The following FAR2 variants were observed in gnomAD, a reference collection of about 807,000 sequenced individuals.
FAR2 encodes the protein epididymis secretory protein Li 81.
Under a neutral mutation model 56.0 loss-of-function variants are expected in FAR2, and 19 were observed. The ratio of observed to expected loss-of-function variants is 0.34; its 90% CI spans 0.24 to 0.50. FAR2 has a LOEUF of 0.50. Ranked by LOEUF, FAR2 falls within the 20% of genes least tolerant of loss-of-function variation. The probability of loss-of-function intolerance (pLI) is 0.98; values close to 1 mark genes in which losing one functional copy is unlikely to be tolerated. For missense variants in FAR2, 508 were observed against 642.2 expected (o/e 0.79, Z 2.26); for synonymous variants, 219 against 218.8 (o/e 1.00, Z -0.01).
chr12:29,249,289 C>T (rs1033923566), intron 1 of FAR2, among the ~76,000 whole-genome samples: 37 of 152,184 alleles, frequency 2.4e-4, no homozygotes, highest in Admixed American at 1.4e-3. Context: ...TGGCTTCAGC[C>T]GGTCCCTCCG....
intron 1 of FAR2, among the ~76,000 whole-genome samples, chr12:29,237,363 T>C (rs530921039): frequency 2.6e-5 from 4 of 152,318 alleles, no homozygotes; most frequent in African/African-American, 9.6e-5. Context: ...TGGGTCAAAA[T>C]ACCATGAATT....
At chr12:29,267,675 A>T (rs10843373) in intron 1 of FAR2, among the ~76,000 whole-genome samples, 64,528 of 152,032 alleles carry the variant, frequency 0.42, 14,556 homozygotes, top group African/African-American at 0.59. Flanking sequence ...ATGTAACATT[A>T]TGTAACATGA....
chr12:29,229,927 G>C (rs540250422), intron 1 of FAR2, among the ~76,000 whole-genome samples: 30 of 152,236 alleles, frequency 2.0e-4, no homozygotes, highest in Admixed American at 1.3e-3. Context: ...GAACATTCTA[G>C]ATAAAGGGAA....
At chr12:29,202,661 G>A (rs1160231249) in intron 1 of FAR2, among the ~76,000 whole-genome samples, 1 of 152,160 alleles carries the variant, frequency 6.6e-6, no homozygotes, top group African/African-American at 2.4e-5. Flanking sequence ...AGTAATGAGA[G>A]GAGTTCTTGT....
chr12:29,287,587 C>G (rs946678101), intron 2 of FAR2, among the ~76,000 whole-genome samples: 1 of 150,974 alleles, frequency 6.6e-6, no homozygotes, highest in Non-Finnish European at 1.5e-5. Flanking sequence ...AGAGATTGCC[C>G]CTTAGTTTAA....
chr12:29,298,592 T>C (rs1345662062), intron 4 of FAR2, among the ~76,000 whole-genome samples: 1 of 152,092 alleles, frequency 6.6e-6, no homozygotes, highest in Non-Finnish European at 1.5e-5. Flanking sequence ...GTTTGCTAAA[T>C]TGGTACAGAG....
In FAR2 at chr12:29,166,455, A is replaced by G. The variant is rs145356108; in HGVS notation, c.-39+17048A>G. Among the ~76,000 whole-genome samples, 7 of 152,294 alleles carry G rather than the reference A, an allele frequency of 4.6e-5. No homozygotes were observed. In the East Asian group the frequency reaches 1.3e-3, roughly 29 times the overall value. ...TAATGCAGATCTCTGCTTTCTGACC[A>G]AAAGGAAAGCCTCTCCTCTTTGGCA... On this transcript the variant is annotated intron_variant, in intron 1 of 11. Transcript: ENST00000536681.
chr12:29,295,096 G>A (rs1316932882), intron 3 of FAR2, among the ~76,000 whole-genome samples: 1 of 151,958 alleles, frequency 6.6e-6, no homozygotes. Flanking sequence ...CTTTTGAGAT[G>A]GAGTTTCGCT....
At chr12:29,157,949 T>A (rs1045290983) in intron 1 of FAR2, among the ~76,000 whole-genome samples, 11 of 152,356 alleles carry the variant, frequency 7.2e-5, no homozygotes, top group African/African-American at 2.4e-4. Flanking sequence ...TGTTTGTGCA[T>A]GTATTAAAGA....
intron 1 of FAR2, among the ~76,000 whole-genome samples, chr12:29,268,854 G>T (rs879398609): frequency 1.3e-5 from 2 of 152,134 alleles, no homozygotes; most frequent in African/African-American, 2.4e-5. Context: ...TGCCCCACAA[G>T]CCGCAAAAAC....
At chr12:29,257,576 T>G (rs1948344552) in intron 1 of FAR2, among the ~76,000 whole-genome samples, 2 of 152,166 alleles carry the variant, frequency 1.3e-5, no homozygotes, top group South Asian at 4.1e-4. Flanking sequence ...ACTGCCTTTA[T>G]GAGCTGTAAC....
intron 1 of FAR2, among the ~76,000 whole-genome samples, chr12:29,203,594 T>G (rs1465505078): frequency 6.6e-6 from 1 of 152,232 alleles, no homozygotes; most frequent in Non-Finnish European, 1.5e-5. Flanking sequence ...CCCACAATAT[T>G]GTTTTACCTG....
At chr12:29,224,445 A>G (rs1947734605) in intron 1 of FAR2, among the ~76,000 whole-genome samples, 1 of 152,224 alleles carries the variant, frequency 6.6e-6, no homozygotes, top group African/African-American at 2.4e-5. Flanking sequence ...AGAATATGAT[A>G]CTTTAATTGC....
chr12:29,305,984 G>GT (rs1248063214), intron 4 of FAR2, among the ~76,000 whole-genome samples: 4,793 of 142,686 alleles, frequency 0.034, 148 homozygotes, highest in African/African-American at 0.092. Flanking sequence ...TGTTTCCTAG[G>GT]TTTTTTTTTT....
intron 2 of FAR2, among the ~76,000 whole-genome samples, chr12:29,274,621 C>T (rs1434116029): frequency 1.3e-5 from 2 of 151,988 alleles, no homozygotes; most frequent in African/African-American, 2.4e-5. Flanking sequence ...TCCAGCTGGC[C>T]GGTTCCTGCC....
At chr12:29,292,597 T>C (rs3782507) in intron 2 of FAR2, among the ~76,000 whole-genome samples, 80,242 of 151,922 alleles carry the variant, frequency 0.53, 21,500 homozygotes, top group East Asian at 0.62. Context: ...GGTGTTTTTA[T>C]TGGGTAATAA....
chr12:29,155,978 A>G (rs1949723147), intron 1 of FAR2, among the ~76,000 whole-genome samples: 1 of 152,240 alleles, frequency 6.6e-6, no homozygotes, highest in South Asian at 2.1e-4. Flanking sequence ...AGGCACAGAA[A>G]GAGAAATACT....
intron 1 of FAR2, among the ~76,000 whole-genome samples, chr12:29,252,867 C>T (rs1054668511): frequency 6.6e-6 from 1 of 152,052 alleles, no homozygotes; most frequent in Admixed American, 6.6e-5. Context: ...GGTATTTGGT[C>T]AAAGTTATTC....
chr12:29,250,871 C>A (rs1240363823), intron 1 of FAR2, among the ~76,000 whole-genome samples: 1 of 152,170 alleles, frequency 6.6e-6, no homozygotes, highest in Non-Finnish European at 1.5e-5. Context: ...ATCACCCTTC[C>A]TGAAAAACAG....
Sources: gnomAD v4.1 joint callset for allele counts (sites outside exome capture counted in the v4.1 genomes callset) on GRCh38, gnomAD v4.1.1 for gene constraint, MANE v1.5 for transcripts, NCBI Gene and HGNC (gene_info 2026-07-23, HGNC 2026-07-21) for gene names.